Variants in GFRA1 observed in about 807,000 individuals in gnomAD.
GFRA1 encodes the protein GDNF family receptor alpha 1.
In GFRA1, 16 loss-of-function variants were observed where a neutral mutation model predicts 51.6. The ratio of observed to expected loss-of-function variants is 0.31; its 90% CI spans 0.21 to 0.47. The LOEUF (loss-of-function observed/expected upper bound fraction) is 0.47. Among genes scored for constraint, GFRA1 ranks in the 20% least tolerant of loss-of-function variants. GFRA1 has a pLI of 1.00. For missense variants in GFRA1, 530 were observed against 594.3 expected (o/e 0.89, Z 1.13); for synonymous variants, 270 against 241.3 (o/e 1.12, Z -1.10).
chr10:116,089,629 C>T (rs537685099), intron 9 of GFRA1, 112 bp downstream of exon 9: 44 of 918,640 alleles, frequency 4.8e-5, no homozygotes, highest in Admixed American at 3.7e-4. Context: ...GACTCAAACC[C>T]GAGCAGCATT....
intron 5 of GFRA1, among the ~76,000 whole-genome samples, chr10:116,178,477 G>A (rs1186709794): frequency 2.6e-5 from 4 of 152,204 alleles, no homozygotes; most frequent in African/African-American, 7.2e-5. Flanking sequence ...GGTACTCGGC[G>A]AGTGTACCAC....
At chr10:116,105,156 G>T (rs1389993318) in intron 6 of GFRA1, among the ~76,000 whole-genome samples, 5 of 152,256 alleles carry the variant, frequency 3.3e-5, no homozygotes, top group Non-Finnish European at 7.3e-5. Flanking sequence ...TGTGGATGAT[G>T]AAAGGATCAT....
At chr10:116,255,516 A>C (rs1968764897) in intron 4 of GFRA1, 4 of 1,037,664 alleles carry the variant, frequency 3.9e-6, no homozygotes, top group Non-Finnish European at 4.9e-6. Flanking sequence ...ACAAAAAAAA[A>C]AACACTAGGT....
chr10:116,243,559 T>G (rs1269270437), intron 4 of GFRA1, among the ~76,000 whole-genome samples: 8 of 148,846 alleles, frequency 5.4e-5, no homozygotes, highest in Non-Finnish European at 8.9e-5. Context: ...AAGGGTTTGG[T>G]TTTTTTTTTA....
rs1334012866 is a variant in GFRA1 at position 116,271,094 on chromosome 10, A to G, written c.62T>C (p.Val21Ala). Reference sequence around the variant, plus strand: ...GCAATCCAGGCGGTCTCCGCCGCTCACTTCGGCCGACAGGAGCAAGTCTGC... The same window carrying G: ...GCAATCCAGGCGGTCTCCGCCGCTCGCTTCGGCCGACAGGAGCAAGTCTGC... Reference protein sequence around the residue: ...PLLDLLLSAEVSGGDRLDCVK... With the variant: ...PLLDLLLSAEASGGDRLDCVK... The change falls in exon 3 of 11, where the codon GTG becomes GCG. Residue 21 changes from valine (V) to alanine (A), a missense_variant. Physicochemically the swap from Val to Ala is moderately conservative, Grantham distance 64 (BLOSUM62 0). Transcript: ENST00000355422. The G allele has an allele frequency of 6.2e-7, 1 of 1,606,544 alleles. No individual in the cohort carries two copies. The highest frequency in any genetic ancestry group is 8.5e-7 in the Non-Finnish European group (1 of 1,174,032).
At chr10:116,079,843 A>G (rs1353228279) in intron 9 of GFRA1, among the ~76,000 whole-genome samples, 2 of 152,122 alleles carry the variant, frequency 1.3e-5, no homozygotes, top group Non-Finnish European at 2.9e-5. Context: ...CTCAGCAGAG[A>G]ATACCAGGGG....
chr10:116,169,643 G>C (rs550828526), intron 5 of GFRA1, among the ~76,000 whole-genome samples: 1 of 152,300 alleles, frequency 6.6e-6, no homozygotes, highest in East Asian at 1.9e-4. Context: ...GAAGAGTTCA[G>C]TCCCCAGCTG....
At chr10:116,161,593 G>A (rs1226677533) in intron 5 of GFRA1, among the ~76,000 whole-genome samples, 7 of 152,162 alleles carry the variant, frequency 4.6e-5, no homozygotes, top group Non-Finnish European at 1.0e-4. Flanking sequence ...TGAATCATGG[G>A]AGCAGTTTCC....
chr10:116,121,185 T>C (rs1282224398), intron 6 of GFRA1, among the ~76,000 whole-genome samples: 1 of 152,098 alleles, frequency 6.6e-6, no homozygotes, highest in Non-Finnish European at 1.5e-5. Flanking sequence ...ATTACACAGA[T>C]TTGCATCAGG....
chr10:116,270,232 T>G (rs1246198400), intron 3 of GFRA1, among the ~76,000 whole-genome samples: 1 of 152,204 alleles, frequency 6.6e-6, no homozygotes, highest in Non-Finnish European at 1.5e-5. Flanking sequence ...CTCCCTGAGC[T>G]ACTTCTGTGA....
chr10:116,243,768 G>A (rs1241435983), intron 4 of GFRA1, among the ~76,000 whole-genome samples: 1 of 152,120 alleles, frequency 6.6e-6, no homozygotes, highest in Non-Finnish European at 1.5e-5. Flanking sequence ...CCTTGAGAGA[G>A]TAGCCACTAT....
At chr10:116,200,480 T>C (rs1027713336) in intron 5 of GFRA1, among the ~76,000 whole-genome samples, 7 of 152,234 alleles carry the variant, frequency 4.6e-5, no homozygotes, top group African/African-American at 1.7e-4. Context: ...GATTAGTGAG[T>C]ATGTAACTCT....
chr10:116,069,347 G>A (rs1565551514), intron 9 of GFRA1, among the ~76,000 whole-genome samples: 1 of 152,164 alleles, frequency 6.6e-6, no homozygotes, highest in Admixed American at 6.5e-5. Flanking sequence ...CTGACTCTAA[G>A]TTGGGGGAAA....
chr10:116,241,019 T>G (rs1967318719), intron 4 of GFRA1, among the ~76,000 whole-genome samples: 1 of 152,130 alleles, frequency 6.6e-6, no homozygotes, highest in African/African-American at 2.4e-5. Context: ...GACCTTAAGC[T>G]CTCAACCAAT....
At chr10:116,074,181 G>C (rs1381043449) in intron 9 of GFRA1, among the ~76,000 whole-genome samples, 1 of 152,048 alleles carries the variant, frequency 6.6e-6, no homozygotes, top group Non-Finnish European at 1.5e-5. Context: ...CAGAAACAGG[G>C]GTTCCGAGAG....
intron 6 of GFRA1, among the ~76,000 whole-genome samples, chr10:116,124,872 C>A (rs1957788808): frequency 6.6e-6 from 1 of 152,112 alleles, no homozygotes; most frequent in Non-Finnish European, 1.5e-5. Context: ...CACTGGCAGC[C>A]CTCAGGACTT....
intron 9 of GFRA1, among the ~76,000 whole-genome samples, chr10:116,079,641 G>A (rs919584729): frequency 2.6e-5 from 4 of 152,114 alleles, no homozygotes; most frequent in Non-Finnish European, 5.9e-5. Context: ...GGACGGTAGA[G>A]GCCAGGGACG....
At chr10:116,067,500 C>T (rs1047958128) in intron 9 of GFRA1, among the ~76,000 whole-genome samples, 1 of 152,192 alleles carries the variant, frequency 6.6e-6, no homozygotes, top group African/African-American at 2.4e-5. Flanking sequence ...TCCTAGACCA[C>T]AGTAGCTTCT....
intron 3 of GFRA1, 60 bp downstream of exon 3, chr10:116,270,762 G>A (rs1330576855): frequency 1.7e-5 from 24 of 1,450,578 alleles, no homozygotes; most frequent in South Asian, 2.4e-5. Context: ...GCCCAGGGAC[G>A]AAAGGCCCGC....
Sources: allele counts gnomAD v4.1 joint callset (sites outside exome capture counted in the v4.1 genomes callset), GRCh38; gene constraint gnomAD v4.1.1; transcripts MANE v1.5; gene names NCBI Gene and HGNC (gene_info 2026-07-23, HGNC 2026-07-21).